Variants in ETNK1 observed in about 807,000 individuals in gnomAD.
ETNK1 encodes the protein putative protein product of Nbla10396.
A neutral mutation model predicts 45.1 loss-of-function variants in ETNK1; 8 were observed. That is an observed-to-expected ratio of 0.18 (90% CI 0.10 to 0.32). ETNK1 has a LOEUF of 0.32. Ranked by LOEUF, ETNK1 falls within the 10% of genes least tolerant of loss-of-function variation. The pLI, the probability that ETNK1 is intolerant of heterozygous loss-of-function variation, is 1.00. For missense variants in ETNK1, 302 were observed against 430.6 expected, an observed-to-expected ratio of 0.70 and a Z score of 2.64; for synonymous variants, 152 against 151.9, an observed-to-expected ratio of 1.00 and a Z score of -0.01.
intron 7 of ETNK1, 132 bp downstream of exon 7, chr12:22,684,688 G>T: frequency 1.3e-6 from 1 of 775,722 alleles, no homozygotes; most frequent in Non-Finnish European, 2.1e-6. Flanking sequence ...ATTGGTCTGT[G>T]AAGAAATTGC....
chr12:22,682,477 A>G (rs1356335620), intron 6 of ETNK1: 2 of 276,024 alleles, frequency 7.2e-6, no homozygotes, highest in African/African-American at 2.3e-5. Context: ...TGCAAATTCA[A>G]CTCAAAAGTC....
intron 4 of ETNK1, among the ~76,000 whole-genome samples, chr12:22,663,414 A>G (rs530594905): frequency 1.7e-4 from 26 of 152,272 alleles, no homozygotes; most frequent in Non-Finnish European, 3.5e-4. Flanking sequence ...AAACTTTCAT[A>G]TTTTTATTTT....
At position 22,688,746 on chromosome 12, in the gene ETNK1, A is replaced by C. The variant is rs1475894118; in HGVS notation, c.*3792A>C. On this transcript the variant is annotated 3_prime_UTR_variant, in exon 8 of 8. Transcript: ENST00000266517. Reference sequence around the variant, plus strand: ...TATGCACAGAGGAAAAATCATTTTAAGTATGTGGTAAAGCAGCTTCATCTT... The same window carrying C: ...TATGCACAGAGGAAAAATCATTTTACGTATGTGGTAAAGCAGCTTCATCTT... 6.6e-6 allele frequency: 1 copy of C among 152,212 alleles called. No homozygotes were observed. The highest frequency in any genetic ancestry group is 1.5e-5 in the Non-Finnish European group (1 of 67,760). The allele number at this position is 152,212 out of a possible 1,614,324, so 9.4% of individuals were successfully genotyped here.
At position 22,629,077 on chromosome 12, in the gene ETNK1, C is replaced by T. The variant is rs965180043; in HGVS notation, c.156+3491C>T. ...ATTGATCCAGTAGTTGTCCCTACCT[C>T]AATGGGTTATTGTGAGGGTAAAATA... On this transcript the variant is annotated intron_variant, in intron 1 of 7. Coordinates refer to ENST00000266517, the MANE Select transcript of ETNK1 (RefSeq NM_018638.5). Among the ~76,000 whole-genome samples the T allele has an allele frequency of 4.6e-5, 7 of 152,052 alleles. No individual in the cohort carries two copies. The East Asian group carries it at 1.3e-3, about 29-fold the overall frequency.
intron 4 of ETNK1, among the ~76,000 whole-genome samples, chr12:22,667,173 T>G (rs976627723): frequency 2.6e-5 from 4 of 152,106 alleles, no homozygotes; most frequent in Non-Finnish European, 5.9e-5. Context: ...CTAATATAGG[T>G]ACTAGTTTGT....
intron 4 of ETNK1, among the ~76,000 whole-genome samples, chr12:22,662,178 C>T (rs1000506910): frequency 1.3e-5 from 2 of 150,388 alleles, no homozygotes; most frequent in Non-Finnish European, 3.0e-5. Context: ...AGTGATTCTC[C>T]TGCCTCAGCC....
intron 2 of ETNK1, chr12:22,656,586 C>T (rs987601892): frequency 2.0e-6 from 2 of 985,278 alleles, no homozygotes; most frequent in Admixed American, 6.2e-5. Flanking sequence ...GCCTTCTGCT[C>T]TCCCAGACAT....
chr12:22,679,655 T>C (rs1954194486), intron 6 of ETNK1, among the ~76,000 whole-genome samples: 1 of 152,050 alleles, frequency 6.6e-6, no homozygotes, highest in Non-Finnish European at 1.5e-5. Flanking sequence ...ATTTTACATA[T>C]GCGATCTGAT....
At chr12:22,639,617 C>T (rs911730585) in intron 1 of ETNK1, among the ~76,000 whole-genome samples, 1 of 151,740 alleles carries the variant, frequency 6.6e-6, no homozygotes, top group Non-Finnish European at 1.5e-5. Flanking sequence ...GCGGAGGTTG[C>T]AGTGAGCCGA....
At chr12:22,671,165 AC>A in intron 4 of ETNK1, 106 bp from the exon 5 acceptor site, 1 of 808,200 alleles carries the variant, frequency 1.2e-6, no homozygotes, top group Non-Finnish European at 2.2e-6. Flanking sequence ...GTAATCAAGC[AC>A]GTACAATGAG....
chr12:22,649,003 A>T (rs1289863396), intron 2 of ETNK1, among the ~76,000 whole-genome samples: 1 of 151,954 alleles, frequency 6.6e-6, no homozygotes. Flanking sequence ...TTATTTACTC[A>T]TCTGTGTATC....
intron 6 of ETNK1, among the ~76,000 whole-genome samples, chr12:22,674,685 C>A (rs949551073): frequency 1.4e-4 from 21 of 152,278 alleles, no homozygotes; most frequent in African/African-American, 4.8e-4. Context: ...TCCATTTATG[C>A]ATTGAATTAG....
chr12:22,676,515 T>C (rs1026886406), intron 6 of ETNK1, among the ~76,000 whole-genome samples: 2 of 152,132 alleles, frequency 1.3e-5, no homozygotes, highest in African/African-American at 2.4e-5. Flanking sequence ...ATCCTTTGGG[T>C]ATATACCCAG....
rs763415840 is a variant in ETNK1, at chr12:22,671,370, GT to G, written c.784+16del. On this transcript the variant is annotated intron_variant, in intron 5 of 7. Transcript: ENST00000266517. ...TGAATTTGCAGGTATAACTAATGGA[GT>G]AACTTATTTAGCTTTGAAACGATAT... The G allele has an allele frequency of 6.9e-7, 1 of 1,450,016 alleles. No individual in the cohort carries two copies. Among genetic ancestry groups the G allele is most frequent in the East Asian group, 2.3e-5 (1 of 44,010 alleles). 89.8% of individuals were successfully genotyped at this position (1,450,016 alleles called of 1,614,324 possible).
intron 1 of ETNK1, among the ~76,000 whole-genome samples, chr12:22,638,273 A>T (rs1592114537): frequency 6.8e-6 from 1 of 147,226 alleles, no homozygotes; most frequent in East Asian, 2.0e-4. Flanking sequence ...TTTTTTTGAG[A>T]CGGAGTCTCA....
In ETNK1 at chr12:22,661,138, G is replaced by A; in HGVS notation, c.633G>A (p.Leu211=). Residue 211 remains leucine, a synonymous_variant, in exon 4 of 8, where the codon CTG becomes CTA. Coordinates refer to ENST00000266517, the MANE Select transcript of ETNK1 (RefSeq NM_018638.5). Reference sequence around the variant, plus strand: ...GGATGAAGGAGATTCTTTCCAACCTGGGCTCACCTGTTGTGCTTTGCCATA... The same window carrying A: ...GGATGAAGGAGATTCTTTCCAACCTAGGCTCACCTGTTGTGCTTTGCCATA... ...MTWMKEILSN[L]GSPVVLCHND... 6.2e-7 allele frequency: 1 copy of A among 1,612,394 alleles called. No individual in the cohort carries two copies. Among genetic ancestry groups the A allele is most frequent in the Non-Finnish European group, 8.5e-7 (1 of 1,179,390 alleles).
At chr12:22,676,831 A>C (rs1166813009) in intron 6 of ETNK1, among the ~76,000 whole-genome samples, 1 of 151,034 alleles carries the variant, frequency 6.6e-6, no homozygotes, top group East Asian at 1.9e-4. Context: ...GTGTCTGTTC[A>C]TATCCTTTGC....
chr12:22,682,268 G>A (rs749981182), intron 6 of ETNK1: 4 of 494,240 alleles, frequency 8.1e-6, no homozygotes, highest in Non-Finnish European at 1.6e-5. Flanking sequence ...CTTTTCTCAT[G>A]TTCTAATTTT....
At chr12:22,649,284 A>G (rs1417642684) in intron 2 of ETNK1, among the ~76,000 whole-genome samples, 2 of 152,026 alleles carry the variant, frequency 1.3e-5, no homozygotes, top group East Asian at 3.8e-4. Context: ...TTAAAAAGTC[A>G]TTGCCAAATC....
Sources: gnomAD v4.1 joint callset for allele counts (sites outside exome capture counted in the v4.1 genomes callset) on GRCh38, gnomAD v4.1.1 for gene constraint, MANE v1.5 for transcripts, NCBI Gene and HGNC (gene_info 2026-07-23, HGNC 2026-07-21) for gene names.